Variants in ZNF169 observed in about 807,000 individuals in gnomAD.
ZNF169 encodes the protein zinc finger protein 169.
Under a neutral mutation model 12.0 loss-of-function variants are expected in ZNF169, and 11 were observed. The observed-to-expected ratio is 0.92, with a 90% CI of 0.58 to 1.52. ZNF169 has a LOEUF of 1.52. Among genes scored for constraint, ZNF169 ranks in the 40% most tolerant of loss-of-function variants. The pLI, the probability that ZNF169 is intolerant of heterozygous loss-of-function variation, is 0.00. For missense variants in ZNF169, 722 were observed against 744.0 expected, an observed-to-expected ratio of 0.97 and a Z score of 0.34; for synonymous variants, 302 against 286.5, an observed-to-expected ratio of 1.05 and a Z score of -0.55.
intron 1 of ZNF169, among the ~76,000 whole-genome samples, chr9:94,262,466 GT>G (rs1356252484): frequency 2.6e-5 from 4 of 151,722 alleles, no homozygotes; most frequent in African/African-American, 4.8e-5. Context: ...TTTTGTTTTT[GT>G]TTTTGTTTTG....
intron 1 of ZNF169, among the ~76,000 whole-genome samples, chr9:94,262,927 CT>C (rs1378854653): frequency 1.4e-4 from 21 of 152,156 alleles, no homozygotes; most frequent in Admixed American, 1.4e-3. Context: ...TTACTGACTT[CT>C]TATTTAATTC....
chr9:94,284,227 C>A (rs1830685732), intron 2 of ZNF169, among the ~76,000 whole-genome samples: 1 of 151,868 alleles, frequency 6.6e-6, no homozygotes, highest in African/African-American at 2.4e-5. Context: ...GAGTTCAAGA[C>A]CAGCCTGGCC....
intron 2 of ZNF169, chr9:94,288,199 A>C: frequency 1.2e-6 from 1 of 805,496 alleles, no homozygotes; most frequent in South Asian, 1.4e-5. Context: ...TCCTACTTGT[A>C]CCCTGTCTTG....
chr9:94,277,931 C>CAA (rs1199250828), intron 1 of ZNF169, among the ~76,000 whole-genome samples: 6 of 86,584 alleles, frequency 6.9e-5, no homozygotes, highest in South Asian at 3.6e-4. Flanking sequence ...GACTCCGACT[C>CAA]AAAAAAAAAA....
At chr9:94,276,761 T>C (rs767486567) in intron 1 of ZNF169, among the ~76,000 whole-genome samples, 2 of 152,216 alleles carry the variant, frequency 1.3e-5, no homozygotes, top group Non-Finnish European at 2.9e-5. Context: ...TTTTTTCTAC[T>C]GTGTTTTTAG....
intron 2 of ZNF169, among the ~76,000 whole-genome samples, chr9:94,282,991 T>C (rs1830667125): frequency 6.6e-6 from 1 of 152,184 alleles, no homozygotes; most frequent in South Asian, 2.1e-4. Flanking sequence ...TATTCCCCAT[T>C]CGCCCCTCTC....
chr9:94,279,400 A>G (rs1830583702), intron 2 of ZNF169, among the ~76,000 whole-genome samples: 2 of 151,226 alleles, frequency 1.3e-5, no homozygotes, highest in Admixed American at 6.6e-5. Flanking sequence ...CAAAAAAAAA[A>G]GTATAAGAAG....
Position 94,301,481 on chromosome 9 carries a change from A to T in ZNF169, c.*111A>T. The T allele has an allele frequency of 6.9e-7, 1 of 1,441,776 alleles. No individual in the cohort carries two copies. Among genetic ancestry groups the T allele is most frequent in the Non-Finnish European group, 9.1e-7 (1 of 1,095,146 alleles). 89.3% of individuals were successfully genotyped at this position (1,441,776 alleles called of 1,614,324 possible). Reference sequence around the variant, plus strand: ...GTTGCTTTCTTTCATCGATCATGAGATAGTTGATTTTTGGTTTACTTTCTA... The same window carrying T: ...GTTGCTTTCTTTCATCGATCATGAGTTAGTTGATTTTTGGTTTACTTTCTA... On this transcript the variant is annotated 3_prime_UTR_variant, in exon 5 of 5. Coordinates refer to ENST00000395395, the MANE Select transcript of ZNF169 (RefSeq NM_194320.4).
At chr9:94,286,179 G>A (rs1830716118) in intron 2 of ZNF169, among the ~76,000 whole-genome samples, 2 of 152,156 alleles carry the variant, frequency 1.3e-5, no homozygotes, top group African/African-American at 4.8e-5. Context: ...AGGTTTCTCT[G>A]ATAGACAACA....
At chr9:94,286,388 T>C (rs1361775770) in intron 2 of ZNF169, among the ~76,000 whole-genome samples, 1 of 152,170 alleles carries the variant, frequency 6.6e-6, no homozygotes, top group Admixed American at 6.5e-5. Flanking sequence ...TGAGTCCTTC[T>C]AGTGAATCAT....
At chr9:94,259,542 C>G (rs1490877294) in intron 1 of ZNF169, among the ~76,000 whole-genome samples, 197 bp downstream of exon 1, 3 of 152,194 alleles carry the variant, frequency 2.0e-5, no homozygotes, top group Non-Finnish European at 4.4e-5. Flanking sequence ...GGCGGAGGTC[C>G]TCTGGTGGGG....
intron 1 of ZNF169, among the ~76,000 whole-genome samples, chr9:94,277,887 G>C (rs929591953): frequency 2.7e-5 from 4 of 150,202 alleles, no homozygotes; most frequent in African/African-American, 9.8e-5. Flanking sequence ...AGCCGAGATT[G>C]CGCCACTGCA....
chr9:94,301,135 A>C lies in ZNF169; in HGVS notation c.1577A>C (p.Lys526Thr). The change falls in exon 5 of 5, where the codon AAG becomes ACG. Residue 526 changes from lysine to threonine, a missense_variant. Transcript: ENST00000395395. ...DRVCGQGLGQ[K>T]SHLISDQRTH... ...GTGTGTGGACAAGGACTTGGCCAGAAGTCACACCTTATCTCTGACCAAAGG... is the reference window on the plus strand; with the variant it reads ...GTGTGTGGACAAGGACTTGGCCAGACGTCACACCTTATCTCTGACCAAAGG... 1 of 1,614,176 alleles carries C rather than the reference A, an allele frequency of 6.2e-7. No homozygotes were observed. Among genetic ancestry groups the C allele is most frequent in the South Asian group, 1.1e-5 (1 of 91,086 alleles).
At chr9:94,273,800 C>T (rs545885656) in intron 1 of ZNF169, among the ~76,000 whole-genome samples, 4 of 152,162 alleles carry the variant, frequency 2.6e-5, no homozygotes, top group South Asian at 4.1e-4. Flanking sequence ...AGGATGGTCT[C>T]GATCTCCTGA....
Position 94,300,589 on chromosome 9 carries a change from A to C in ZNF169, c.1031A>C (p.Lys344Thr). Residue 344 changes from lysine to threonine, a missense_variant, in exon 5 of 5, where the codon AAG (lysine) becomes ACG (threonine). Coordinates refer to ENST00000395395, the MANE Select transcript of ZNF169 (RefSeq NM_194320.4). Reference sequence around the variant, plus strand: ...CACCAGAGGACGCACTTGGAGGAGAAGCCCTTCGTGTGTCCTGAGTGTGGG... The same window carrying C: ...CACCAGAGGACGCACTTGGAGGAGACGCCCTTCGTGTGTCCTGAGTGTGGG... ...LLHQRTHLEE[K>T]PFVCPECGRG... 1 of 1,614,134 alleles carries C rather than the reference A, an allele frequency of 6.2e-7. No individual in the cohort carries two copies.
intron 1 of ZNF169, among the ~76,000 whole-genome samples, chr9:94,265,160 A>G (rs1830271929): frequency 6.6e-6 from 1 of 151,722 alleles, no homozygotes; most frequent in South Asian, 2.1e-4. Flanking sequence ...CCCGGACCAA[A>G]CTGAGGGTCA....
At chr9:94,270,739 A>ATATAAATT (rs1287089189) in intron 1 of ZNF169, among the ~76,000 whole-genome samples, 1 of 12,006 alleles carries the variant, frequency 8.3e-5, no homozygotes, top group Admixed American at 1.9e-3. Flanking sequence ...TTATATAATT[A>ATATAAATT]ATGTATTTAT....
chr9:94,299,037 CCTT>C (rs1361058171), intron 4 of ZNF169, among the ~76,000 whole-genome samples: 1 of 152,176 alleles, frequency 6.6e-6, no homozygotes, highest in Non-Finnish European at 1.5e-5. Context: ...CTGAGCTTCT[CCTT>C]AATTCACCAG....
At position 94,301,519 on chromosome 9, in the gene ZNF169, G is replaced by A. The variant is rs958187128; in HGVS notation, c.*149G>A. On this transcript the variant is annotated 3_prime_UTR_variant, in exon 5 of 5. Transcript: ENST00000395395. ...GGTTTACTTTCTATATTCACAATTT[G>A]TCTTGGCTTGCTAGGGGTTCCATAA... 2.9e-6 allele frequency: 4 copies of A among 1,400,032 alleles called. No individual in the cohort carries two copies. The highest frequency in any genetic ancestry group is 3.7e-6 in the Non-Finnish European group (4 of 1,067,274). The allele number at this position is 1,400,032 out of a possible 1,614,324, so 86.7% of individuals were successfully genotyped here.
Sources: allele counts gnomAD v4.1 joint callset (sites outside exome capture counted in the v4.1 genomes callset), GRCh38; gene constraint gnomAD v4.1.1; transcripts MANE v1.5; gene names NCBI Gene and HGNC (gene_info 2026-07-23, HGNC 2026-07-21).